The following GABRB3 variants were observed in gnomAD, a reference collection of about 807,000 sequenced individuals.
GABRB3 encodes gamma-aminobutyric acid receptor subunit beta-3.
In GABRB3, 14 loss-of-function variants were observed where a neutral mutation model predicts 52.1. The ratio of observed to expected loss-of-function variants is 0.27; its 90% CI spans 0.18 to 0.42. The LOEUF (loss-of-function observed/expected upper bound fraction) is 0.42. Among genes scored for constraint, GABRB3 ranks in the 10% least tolerant of loss-of-function variants. The pLI is 1.00. For missense variants in GABRB3, 307 were observed against 609.1 expected, an observed-to-expected ratio of 0.50 and a Z score of 5.22; for synonymous variants, 260 against 232.3, an observed-to-expected ratio of 1.12 and a Z score of -1.08.
chr15:26,596,853 C>A (rs1007782940), intron 4 of GABRB3, among the ~76,000 whole-genome samples: 1 of 152,130 alleles, frequency 6.6e-6, no homozygotes, highest in African/African-American at 2.4e-5. Flanking sequence ...AATGAAATTT[C>A]TTTCTTACAG....
intron 3 of GABRB3, among the ~76,000 whole-genome samples, chr15:26,737,695 A>G (rs1240003453): frequency 1.3e-5 from 2 of 152,126 alleles, no homozygotes; most frequent in Non-Finnish European, 2.9e-5. Flanking sequence ...TATATATACA[A>G]GAGCTGACCC....
At chr15:26,671,006 G>A (rs896086433) in intron 3 of GABRB3, among the ~76,000 whole-genome samples, 1 of 152,136 alleles carries the variant, frequency 6.6e-6, no homozygotes, top group Non-Finnish European at 1.5e-5. Flanking sequence ...AGCCTCCCAA[G>A]TAGCTGGGAT....
At chr15:26,703,545 G>C (rs1889002804) in intron 3 of GABRB3, among the ~76,000 whole-genome samples, 1 of 152,146 alleles carries the variant, frequency 6.6e-6, no homozygotes, top group South Asian at 2.1e-4. Context: ...ACTCATCTCA[G>C]CATCAACTTT....
At chr15:26,568,665 GTT>G (rs138366725) in intron 6 of GABRB3, among the ~76,000 whole-genome samples, 6 of 119,024 alleles carry the variant, frequency 5.0e-5, no homozygotes, top group Admixed American at 9.1e-5. Context: ...GCCCAGCTAG[GTT>G]TTTTTTTTTT....
chr15:26,636,516 T>C (rs1199646006), intron 3 of GABRB3, among the ~76,000 whole-genome samples: 1 of 152,178 alleles, frequency 6.6e-6, no homozygotes, highest in Non-Finnish European at 1.5e-5. Flanking sequence ...ATCCACCCAC[T>C]CTTTCCACCA....
chr15:26,671,654 G>T (rs1447624689), intron 3 of GABRB3, among the ~76,000 whole-genome samples: 1 of 152,116 alleles, frequency 6.6e-6, no homozygotes, highest in Non-Finnish European at 1.5e-5. Context: ...GATTAGTTGG[G>T]GTAGGCTTTC....
At chr15:26,717,050 G>A (rs61424090) in intron 3 of GABRB3, among the ~76,000 whole-genome samples, 5 of 118,968 alleles carry the variant, frequency 4.2e-5, no homozygotes, top group Non-Finnish European at 7.0e-5. Flanking sequence ...TCCAGCTCTG[G>A]GGACCTCCCT....
intron 6 of GABRB3, among the ~76,000 whole-genome samples, chr15:26,569,788 A>G (rs1890326007): frequency 1.3e-5 from 2 of 152,260 alleles, no homozygotes; most frequent in Admixed American, 1.3e-4. Flanking sequence ...CAAATATGAC[A>G]TTATACATTA....
intron 3 of GABRB3, among the ~76,000 whole-genome samples, chr15:26,648,025 T>C (rs1887067663): frequency 6.6e-6 from 1 of 152,214 alleles, no homozygotes; most frequent in Non-Finnish European, 1.5e-5. Flanking sequence ...TAACCATCTG[T>C]AAGTGTTCAG....
chr15:26,581,510 T>C (rs1890788591), intron 5 of GABRB3, among the ~76,000 whole-genome samples: 1 of 152,158 alleles, frequency 6.6e-6, no homozygotes, highest in Non-Finnish European at 1.5e-5. Flanking sequence ...AGTGAAATTA[T>C]TAATAGCAAA....
chr15:26,560,375 T>C (rs1338363555), intron 8 of GABRB3, among the ~76,000 whole-genome samples: 1 of 152,206 alleles, frequency 6.6e-6, no homozygotes, highest in Admixed American at 6.5e-5. Flanking sequence ...CAGCTCCATG[T>C]TGACCCTCTC....
At chr15:26,588,327 C>T (rs1891071714) in intron 4 of GABRB3, among the ~76,000 whole-genome samples, 1 of 152,204 alleles carries the variant, frequency 6.6e-6, no homozygotes, top group South Asian at 2.1e-4. Context: ...ACCAGTTGAG[C>T]AGTTGCTCAG....
At chr15:26,593,027 CA>C (rs1399002960) in intron 4 of GABRB3, among the ~76,000 whole-genome samples, 1 of 151,764 alleles carries the variant, frequency 6.6e-6, no homozygotes, top group East Asian at 1.9e-4. Context: ...AAAGAAAAAA[CA>C]AAAAAAATTC....
intron 8 of GABRB3, among the ~76,000 whole-genome samples, chr15:26,555,761 T>C (rs576647554): frequency 1.3e-5 from 2 of 152,238 alleles, no homozygotes; most frequent in African/African-American, 4.8e-5. Flanking sequence ...ACTCTCATTC[T>C]AGTGTGAAAA....
intron 3 of GABRB3, among the ~76,000 whole-genome samples, chr15:26,753,943 G>A (rs1401720840): frequency 6.6e-6 from 1 of 152,070 alleles, no homozygotes; most frequent in African/African-American, 2.4e-5. Context: ...AAGGCCTTGA[G>A]GACAGAGAAT....
chr15:26,649,713 G>C (rs1024169756), intron 3 of GABRB3, among the ~76,000 whole-genome samples: 2 of 133,610 alleles, frequency 1.5e-5, no homozygotes, highest in South Asian at 2.4e-4. Flanking sequence ...GAGAGGACAG[G>C]GAGAGAGAGA....
chr15:26,668,880 G>A (rs1887799747), intron 3 of GABRB3, among the ~76,000 whole-genome samples: 1 of 152,182 alleles, frequency 6.6e-6, no homozygotes, highest in African/African-American at 2.4e-5. Context: ...ATGAATGCAT[G>A]GGTGATTGAT....
In GABRB3 at chr15:26,706,527, T is replaced by C. The variant is rs12438652; in HGVS notation, c.240+65875A>G. 7.4e-3 allele frequency among the ~76,000 whole-genome samples: 1,132 copies of C among 152,204 alleles called. 40 individuals carry two copies. Among genetic ancestry groups the C allele is most frequent in the Admixed American group, 0.054 (830 of 15,284 alleles). ...CATCAAACATTTATTTAGCACCTAATGTACACAAAGAAATGGACTAACTGC... is the reference window on the plus strand; with the variant it reads ...CATCAAACATTTATTTAGCACCTAACGTACACAAAGAAATGGACTAACTGC... On this transcript the variant is annotated intron_variant, in intron 3 of 8. Coordinates refer to ENST00000311550, the MANE Select transcript of GABRB3 (RefSeq NM_000814.6).
Position 26,545,088 on chromosome 15 carries a change from A to AT in GABRB3, c.*2704dup, listed in dbSNP as rs1889178219. On this transcript the variant is annotated 3_prime_UTR_variant, in exon 9 of 9. Coordinates refer to ENST00000311550, the MANE Select transcript of GABRB3 (RefSeq NM_000814.6). The stretch of plus-strand genomic sequence containing the variant: ...TTAAAAATGGAGAAGCTATAAAATA[A>AT]TTTTGTTAGAAGAAAAGTAATTTTC... The AT allele has an allele frequency of 6.6e-6, 1 of 152,610 alleles. No individual in the cohort carries two copies. The highest frequency in any genetic ancestry group is 2.4e-5 in the African/African-American group (1 of 41,462). 9.5% of individuals were successfully genotyped at this position (152,610 alleles called of 1,614,324 possible).
Sources: allele counts gnomAD v4.1 joint callset (sites outside exome capture counted in the v4.1 genomes callset), GRCh38; gene constraint gnomAD v4.1.1; transcripts MANE v1.5; gene names NCBI Gene and HGNC (gene_info 2026-07-23, HGNC 2026-07-21).